Variants in EXOC2 observed in about 807,000 individuals in gnomAD.
EXOC2 encodes the protein exocyst complex component 2, also known as SEC5-like 1.
A neutral mutation model predicts 131.8 loss-of-function variants in EXOC2; 70 were observed. That is an observed-to-expected ratio of 0.53 (90% CI 0.44 to 0.65). The LOEUF (loss-of-function observed/expected upper bound fraction) is 0.65, where lower values mean the gene tolerates loss of function less well. EXOC2 is among the 30% of genes least tolerant of loss of function. The pLI is 0.00. For synonymous variants in EXOC2, 411 were observed against 398.4 expected (o/e 1.03, Z -0.38); for missense variants, 923 against 1,108.6 (o/e 0.83, Z 2.38).
At chr6:496,485 T>C (rs1054799699) in intron 25 of EXOC2, among the ~76,000 whole-genome samples, 18 of 152,188 alleles carry the variant, frequency 1.2e-4, no homozygotes, top group African/African-American at 2.9e-4. Flanking sequence ...ACCATGCATA[T>C]GGAGAGACTC....
intron 1 of EXOC2, chr6:657,071 C>T (rs1211488806): frequency 1.3e-6 from 1 of 786,730 alleles, no homozygotes; most frequent in Non-Finnish European, 1.9e-6. Flanking sequence ...TAGGCAGGCA[C>T]TCGGGTTCCC....
intron 21 of EXOC2, among the ~76,000 whole-genome samples, chr6:550,005 T>G (rs1757062465): frequency 6.6e-6 from 1 of 152,262 alleles, no homozygotes; most frequent in African/African-American, 2.4e-5. Context: ...ACACAAATGC[T>G]GATAAACACA....
intron 4 of EXOC2, among the ~76,000 whole-genome samples, chr6:627,321 C>A (rs1761627187): frequency 6.6e-6 from 1 of 151,102 alleles, no homozygotes. Flanking sequence ...GGTTTCTACA[C>A]CTATTCTTAC....
At chr6:507,531 C>A (rs775997131) in intron 23 of EXOC2, among the ~76,000 whole-genome samples, 6 of 152,090 alleles carry the variant, frequency 3.9e-5, no homozygotes, top group Non-Finnish European at 7.4e-5. Context: ...ATTGTTCAGG[C>A]AAACAGCAAA....
At chr6:532,442 T>C (rs767586968) in intron 23 of EXOC2, 27 bp downstream of exon 23, 32 of 1,525,254 alleles carry the variant, frequency 2.1e-5, no homozygotes, top group Non-Finnish European at 2.7e-5. Context: ...TATCCACATC[T>C]ATTACTCAAG....
intron 1 of EXOC2, among the ~76,000 whole-genome samples, chr6:681,192 T>G (rs1394738192): frequency 6.6e-6 from 1 of 152,246 alleles, no homozygotes; most frequent in Admixed American, 6.5e-5. Flanking sequence ...AAGGTCACAA[T>G]CAACCTGTGA....
intron 11 of EXOC2, among the ~76,000 whole-genome samples, chr6:586,912 G>A (rs1007812113): frequency 9.2e-5 from 14 of 152,196 alleles, no homozygotes; most frequent in African/African-American, 2.4e-4. Flanking sequence ...TGTCACATGC[G>A]AAATAGAGCT....
At chr6:488,309 G>A (rs759869110) in intron 27 of EXOC2, among the ~76,000 whole-genome samples, 4 of 152,222 alleles carry the variant, frequency 2.6e-5, no homozygotes, top group African/African-American at 4.8e-5. Context: ...CTATGGGCCC[G>A]GCAGCCACGT....
At chr6:533,455 T>C (rs527812244) in intron 22 of EXOC2, among the ~76,000 whole-genome samples, 5 of 152,240 alleles carry the variant, frequency 3.3e-5, no homozygotes, top group Admixed American at 6.5e-5. Flanking sequence ...ACAGCTCTGC[T>C]TGAGGGGCGT....
intron 3 of EXOC2, among the ~76,000 whole-genome samples, chr6:630,826 G>A (rs920790918): frequency 6.6e-6 from 1 of 152,138 alleles, no homozygotes; most frequent in Non-Finnish European, 1.5e-5. Context: ...AATATCTAAC[G>A]ATTAAATCAA....
At chr6:614,018 T>C (rs860998) in intron 6 of EXOC2, among the ~76,000 whole-genome samples, 145,045 of 152,310 alleles carry the variant, frequency 0.95, 69,152 homozygotes, top group East Asian at 1. Flanking sequence ...AGCCAATGTA[T>C]ATAAAAGGAA....
chr6:655,579 C>G (rs1763034897), intron 1 of EXOC2, among the ~76,000 whole-genome samples: 2 of 152,114 alleles, frequency 1.3e-5, no homozygotes, highest in African/African-American at 4.8e-5. Flanking sequence ...GATAATAAAT[C>G]TAAAAACCAT....
chr6:512,656 C>G (rs1000866599), intron 23 of EXOC2, among the ~76,000 whole-genome samples: 1 of 152,166 alleles, frequency 6.6e-6, no homozygotes, highest in Non-Finnish European at 1.5e-5. Flanking sequence ...TGAAGATATA[C>G]AAAACGACAC....
At chr6:660,683 G>T (rs1763386630) in intron 1 of EXOC2, among the ~76,000 whole-genome samples, 1 of 152,242 alleles carries the variant, frequency 6.6e-6, no homozygotes, top group South Asian at 2.1e-4. Flanking sequence ...CCTCTGACAA[G>T]GCTACCCAAA....
At chr6:540,723 A>G (rs1766765617) in intron 22 of EXOC2, among the ~76,000 whole-genome samples, 1 of 152,208 alleles carries the variant, frequency 6.6e-6, no homozygotes, top group Non-Finnish European at 1.5e-5. Context: ...AAAGGACAGA[A>G]AAGTTTGAAT....
intron 6 of EXOC2, among the ~76,000 whole-genome samples, chr6:610,780 T>C (rs1382608619): frequency 1.3e-5 from 2 of 152,254 alleles, no homozygotes; most frequent in Admixed American, 6.5e-5. Context: ...CTGCTCCTTT[T>C]AGTTTCTAAT....
intron 21 of EXOC2, among the ~76,000 whole-genome samples, chr6:553,058 C>T (rs1757230351): frequency 6.6e-6 from 1 of 152,148 alleles, no homozygotes; most frequent in African/African-American, 2.4e-5. Context: ...GCTGGGATTA[C>T]AGGCACCCGA....
intron 17 of EXOC2, among the ~76,000 whole-genome samples, chr6:562,195 G>C (rs1365086671): frequency 6.6e-6 from 1 of 152,236 alleles, no homozygotes; most frequent in Non-Finnish European, 1.5e-5. Flanking sequence ...CCTGGTGAAA[G>C]CCACTGGGAT....
intron 1 of EXOC2, chr6:656,008 A>G (rs1381750748): frequency 1.2e-6 from 1 of 829,620 alleles, no homozygotes; most frequent in Non-Finnish European, 2.0e-6. Flanking sequence ...GCCCTGCATA[A>G]GTCAGTGAAG....
Sources: allele counts gnomAD v4.1 joint callset (sites outside exome capture counted in the v4.1 genomes callset), GRCh38; gene constraint gnomAD v4.1.1; transcripts MANE v1.5; gene names NCBI Gene and HGNC (gene_info 2026-07-23, HGNC 2026-07-21).